The following GFM2 variants were observed in gnomAD, a reference collection of about 807,000 sequenced individuals.
GFM2 encodes ribosome-releasing factor 2, mitochondrial.
In GFM2, 72 loss-of-function variants were observed where a neutral mutation model predicts 95.4. The observed-to-expected ratio is 0.76, with a 90% confidence interval of 0.62 to 0.92. The LOEUF (loss-of-function observed/expected upper bound fraction) is 0.92, where lower values mean the gene tolerates loss of function less well. Ranked by LOEUF, GFM2 falls within the 40% of genes least tolerant of loss-of-function variation. GFM2 has a pLI of 0.00. For missense variants in GFM2, 825 were observed against 924.1 expected, an observed-to-expected ratio of 0.89 and a Z score of 1.39; for synonymous variants, 276 against 317.5, an observed-to-expected ratio of 0.87 and a Z score of 1.39.
At chr5:74,736,001 C>G (rs1742814023) in intron 15 of GFM2, among the ~76,000 whole-genome samples, 1 of 152,136 alleles carries the variant, frequency 6.6e-6, no homozygotes, top group Non-Finnish European at 1.5e-5. Flanking sequence ...CTTCTTCCTT[C>G]CCCTTACTCC....
Position 74,726,072 on chromosome 5 carries a change from TC to T in GFM2, c.1780del (p.Glu594LysfsTer13), listed in dbSNP as rs1750134785. The T allele has an allele frequency of 1.9e-6, 3 of 1,612,950 alleles. No homozygotes were observed. Among genetic ancestry groups the T allele is most frequent in the Non-Finnish European group, 2.5e-6 (3 of 1,179,706 alleles). On this transcript the variant is annotated frameshift_variant, in exon 18 of 21. Coordinates refer to ENST00000296805, the MANE Select transcript of GFM2 (RefSeq NM_032380.5). LOFTEE classifies it high-confidence loss of function. ...DKRHLVTVEV[E>X]ARPIETSSVM... is the part of the protein sequence containing the mutation. ...AGATGATGTTTCAATTGGCCTTGCT[TC>T]CACTTCTACAGTCACAAGATGCCTT...
chr5:74,721,645 A>T lies in GFM2; in HGVS notation c.*10T>A. ...GGTGCTCCTGAATTTCTCTCCAAAA[A>T]CTAAAACATTTAGGTCAAACCACTT... On this transcript the variant is annotated 3_prime_UTR_variant, in exon 21 of 21. Coordinates refer to ENST00000296805, the MANE Select transcript of GFM2 (RefSeq NM_032380.5). 1.2e-6 allele frequency: 2 copies of T among 1,605,632 alleles called. No individual in the cohort carries two copies. The highest frequency in any genetic ancestry group is 1.7e-6 in the Non-Finnish European group (2 of 1,177,556).
At chr5:74,725,114 T>C (rs1264999387) in intron 19 of GFM2, 8 of 152,476 alleles carry the variant, frequency 5.2e-5, no homozygotes, top group African/African-American at 1.9e-4. Flanking sequence ...TATGGAACTC[T>C]ATAAGAATTT....
At chr5:74,751,890 C>T (rs1468266480) in intron 5 of GFM2, among the ~76,000 whole-genome samples, 1 of 152,138 alleles carries the variant, frequency 6.6e-6, no homozygotes, top group African/African-American at 2.4e-5. Context: ...CCCAACTTTA[C>T]CACTTAGCAC....
intron 16 of GFM2, 52 bp from the exon 17 acceptor site, chr5:74,730,450 C>T: frequency 8.0e-7 from 1 of 1,249,522 alleles, no homozygotes; most frequent in Non-Finnish European, 1.1e-6. Flanking sequence ...ATATTTATTG[C>T]AGAATACTAT....
At position 74,725,739 on chromosome 5, in the gene GFM2, G is replaced by A. The variant is rs1182892125; in HGVS notation, c.1929C>T (p.Ser643=). Residue 643 remains serine (S), a synonymous_variant, in exon 19 of 21, where the codon TCC becomes TCT. Coordinates refer to ENST00000296805, the MANE Select transcript of GFM2 (RefSeq NM_032380.5). ...SACLQGPLLG[S]PIQDVAITLH... Reference sequence around the variant, plus strand: ...AAGTAATTGCTACATCCTGAATTGGGGATCCAAGCAATGGTCCTAGACAAG... The same window carrying A: ...AAGTAATTGCTACATCCTGAATTGGAGATCCAAGCAATGGTCCTAGACAAG... 1.9e-6 allele frequency: 3 copies of A among 1,612,836 alleles called. No homozygotes were observed. The highest frequency in any genetic ancestry group is 2.7e-5 in the African/African-American group (2 of 74,858).
chr5:74,721,893 G>A, intron 20 of GFM2, 110 bp from the exon 21 acceptor site: 1 of 1,008,286 alleles, frequency 9.9e-7, no homozygotes, highest in Non-Finnish European at 1.4e-6. Context: ...CACTTTTGTG[G>A]CTTAGCCATA....
chr5:74,745,317 C>T (rs1415670372), intron 10 of GFM2, among the ~76,000 whole-genome samples: 1 of 152,090 alleles, frequency 6.6e-6, no homozygotes, highest in Non-Finnish European at 1.5e-5. Flanking sequence ...TGCACTCCAG[C>T]CTAGGCCGCA....
At chr5:74,729,438 C>A (rs995138784) in intron 17 of GFM2, among the ~76,000 whole-genome samples, 13 of 152,202 alleles carry the variant, frequency 8.5e-5, no homozygotes, top group African/African-American at 2.7e-4. Context: ...GATTACTACT[C>A]CTACTTCCTT....
intron 10 of GFM2, among the ~76,000 whole-genome samples, chr5:74,745,325 G>A (rs1273513456): frequency 1.3e-4 from 20 of 152,044 alleles, no homozygotes; most frequent in African/African-American, 3.9e-4. Context: ...AGCCTAGGCC[G>A]CAGAGCAAGA....
intron 17 of GFM2, among the ~76,000 whole-genome samples, chr5:74,728,830 C>T (rs1240985977): frequency 7.4e-6 from 1 of 135,256 alleles, no homozygotes; most frequent in Non-Finnish European, 1.5e-5. Flanking sequence ...GATCTCAGCT[C>T]ACTGCAACTT....
intron 12 of GFM2, among the ~76,000 whole-genome samples, chr5:74,738,974 G>A (rs893229433): frequency 6.6e-5 from 10 of 152,028 alleles, no homozygotes; most frequent in African/African-American, 2.4e-4. Flanking sequence ...TAAATAAATA[G>A]GTACTTTCCA....
chr5:74,763,595 A>G (rs768339052), intron 2 of GFM2, 85 bp downstream of exon 2: 19 of 697,806 alleles, frequency 2.7e-5, no homozygotes, highest in Non-Finnish European at 5.1e-6. Context: ...TTTGGAATCA[A>G]CAGCTGATGA....
intron 15 of GFM2, among the ~76,000 whole-genome samples, chr5:74,735,300 G>A (rs1192805820): frequency 1.3e-5 from 2 of 152,160 alleles, no homozygotes; most frequent in Admixed American, 1.3e-4. Context: ...CAGTACTGGG[G>A]GCTGTCTTAC....
intron 15 of GFM2, chr5:74,736,323 AT>A (rs1742831690): frequency 1.0e-6 from 1 of 973,888 alleles, no homozygotes; most frequent in Non-Finnish European, 1.2e-6. Context: ...ACTGAAAAAA[AT>A]CTGAGCTAAA....
intron 5 of GFM2, among the ~76,000 whole-genome samples, chr5:74,756,102 C>CA (rs1293887140): frequency 1.3e-5 from 2 of 152,054 alleles, no homozygotes; most frequent in African/African-American, 4.8e-5. Flanking sequence ...GAATTAAAAA[C>CA]AAAAATCACA....
chr5:74,723,492 T>C (rs1750012233), intron 19 of GFM2, among the ~76,000 whole-genome samples: 1 of 152,206 alleles, frequency 6.6e-6, no homozygotes, highest in Non-Finnish European at 1.5e-5. Context: ...TTTTTTGTTT[T>C]TCCCATTCCT....
At chr5:74,738,263 C>T (rs1194372854) in intron 14 of GFM2, 55 bp downstream of exon 14, 2 of 1,375,390 alleles carry the variant, frequency 1.5e-6, no homozygotes, top group African/African-American at 2.9e-5. Flanking sequence ...AAGTTGCTTA[C>T]TTGTAATTAA....
intron 5 of GFM2, among the ~76,000 whole-genome samples, chr5:74,757,731 T>TAAAAAAAAAA (rs35313753): frequency 1.1e-5 from 1 of 89,168 alleles, no homozygotes; most frequent in Non-Finnish European, 2.2e-5. Context: ...CCTATGTCTC[T>TAAAAAAAAAA]AAAAAAAAAA....
Sources: gnomAD v4.1 joint callset for allele counts (sites outside exome capture counted in the v4.1 genomes callset) on GRCh38, gnomAD v4.1.1 for gene constraint, MANE v1.5 for transcripts, NCBI Gene and HGNC (gene_info 2026-07-23, HGNC 2026-07-21) for gene names.